Variants in CDC16 observed in about 807,000 individuals in gnomAD.
CDC16 encodes the protein cell division cycle 16.
CDC16 carries 34 observed loss-of-function variants against 87.0 expected under a neutral mutation model. The ratio of observed to expected loss-of-function variants is 0.39; its 90% CI spans 0.30 to 0.52. The LOEUF is 0.52. Ranked by LOEUF, CDC16 falls within the 20% of genes least tolerant of loss-of-function variation. The pLI, the probability that CDC16 is intolerant of heterozygous loss-of-function variation, is 0.74. For missense variants in CDC16, 653 were observed against 751.9 expected (o/e 0.87, Z 1.54); for synonymous variants, 263 against 260.6 (o/e 1.01, Z -0.09).
chr13:114,250,540 T>C lies in CDC16; in HGVS notation c.972-9T>C, dbSNP rs775281943. On this transcript the variant is annotated splice_polypyrimidine_tract_variant and intron_variant, in intron 11 of 17. Coordinates refer to ENST00000356221, the MANE Select transcript of CDC16 (RefSeq NM_001078645.3). ...TACTATATGACTTAAATTAACTCTTTTGTTTTAGCAAAGCCACAACACTTG... is the reference window on the plus strand; with the variant it reads ...TACTATATGACTTAAATTAACTCTTCTGTTTTAGCAAAGCCACAACACTTG... 9 of 1,611,552 alleles carry C rather than the reference T, an allele frequency of 5.6e-6. No individual in the cohort carries two copies. The East Asian group carries it at 1.1e-4, about 20-fold the overall frequency.
chr13:114,251,995 T>C (rs901377223), intron 12 of CDC16, among the ~76,000 whole-genome samples: 7 of 149,960 alleles, frequency 4.7e-5, no homozygotes, highest in Middle Eastern at 3.5e-3. Flanking sequence ...ATAAGAGCCC[T>C]ACACTAACCC....
chr13:114,246,764 C>A (rs2081894772), intron 10 of CDC16, among the ~76,000 whole-genome samples, 167 bp from the exon 11 acceptor site: 1 of 152,132 alleles, frequency 6.6e-6, no homozygotes, highest in African/African-American at 2.4e-5. Flanking sequence ...GGAGTGTCTG[C>A]CCTCTTCTCT....
intron 6 of CDC16, chr13:114,242,813 G>A (rs867426611): frequency 1.8e-5 from 3 of 163,054 alleles, no homozygotes; most frequent in South Asian, 1.7e-4. Flanking sequence ...TGATTTTGCC[G>A]CCCCCTGCCC....
intron 12 of CDC16, among the ~76,000 whole-genome samples, chr13:114,255,558 A>AT (rs2082443592): frequency 6.6e-6 from 1 of 151,978 alleles, no homozygotes; most frequent in Non-Finnish European, 1.5e-5. Context: ...AGTATTTTGG[A>AT]TTTTCAGAAT....
chr13:114,243,170 G>A, intron 6 of CDC16, 87 bp from the exon 7 acceptor site: 1 of 718,198 alleles, frequency 1.4e-6, no homozygotes, highest in East Asian at 2.5e-5. Context: ...CTTAGACCAA[G>A]AACTGTAGAA....
intron 6 of CDC16, chr13:114,242,524 T>C: frequency 2.3e-6 from 1 of 439,398 alleles, no homozygotes; most frequent in South Asian, 3.6e-5. Flanking sequence ...ATTGAGATAG[T>C]ATAAACCAGG....
In CDC16 at chr13:114,263,920, G is replaced by A. The variant is rs575926369; in HGVS notation, c.1512+906G>A. Among the ~76,000 whole-genome samples the A allele has an allele frequency of 2.0e-5, 3 of 152,298 alleles. No individual in the cohort carries two copies. The East Asian group carries it at 5.8e-4, about 29-fold the overall frequency. On this transcript the variant is annotated intron_variant, in intron 16 of 17. Coordinates refer to ENST00000356221, the MANE Select transcript of CDC16 (RefSeq NM_001078645.3). ...TACCCATATCACAGTGGTGGCTGGT[G>A]GATGGCAATAATAGGAAACCACAGG...
In CDC16 at chr13:114,244,894, A is replaced by G; in HGVS notation, c.772A>G (p.Met258Val). 2 of 1,609,066 alleles carry G rather than the reference A, an allele frequency of 1.2e-6. No individual in the cohort carries two copies. The highest frequency in any genetic ancestry group is 1.7e-6 in the Non-Finnish European group (2 of 1,176,406). The change falls in exon 9 of 18, where the codon ATG (methionine) becomes GTG (valine). Residue 258 changes from methionine to valine, a missense_variant. Coordinates refer to ENST00000356221, the MANE Select transcript of CDC16 (RefSeq NM_001078645.3). ...KMCYKLTSVV[M>V]EKDPFHASCL... ...ATGTGTCGCTTTAACTTTCAGAGTA[A>G]TGGAGAAAGATCCTTTCCATGCAAG...
intron 17 of CDC16, among the ~76,000 whole-genome samples, chr13:114,267,531 A>G (rs1351993690): frequency 6.6e-6 from 1 of 152,192 alleles, no homozygotes; most frequent in Non-Finnish European, 1.5e-5. Context: ...GTAGTTATGC[A>G]TATTCTTACA....
In CDC16 at chr13:114,262,266, A is replaced by C. The variant is rs534808348; in HGVS notation, c.1376+318A>C. ...CTAGAGGTTTTGTGGTGTGATAAAC[A>C]GGCGACAGTTGAAAAATGGGTTTTT... is the stretch of plus-strand genomic sequence containing the variant. On this transcript the variant is annotated intron_variant, in intron 15 of 17. Coordinates refer to ENST00000356221, the MANE Select transcript of CDC16 (RefSeq NM_001078645.3). Among the ~76,000 whole-genome samples the C allele has an allele frequency of 1.8e-4, 27 of 152,372 alleles. No individual in the cohort carries two copies. The South Asian group carries it at 5.2e-3, about 29-fold the overall frequency.
At chr13:114,266,740 G>A (rs867466551) in intron 17 of CDC16, among the ~76,000 whole-genome samples, 2 of 151,824 alleles carry the variant, frequency 1.3e-5, no homozygotes, top group South Asian at 4.2e-4. Flanking sequence ...GTCGCCCAGG[G>A]TGGAGTGCAG....
At chr13:114,268,191 C>T (rs961323249) in intron 17 of CDC16, among the ~76,000 whole-genome samples, 4 of 152,104 alleles carry the variant, frequency 2.6e-5, no homozygotes, top group Non-Finnish European at 5.9e-5. Context: ...ATAGCTCCAG[C>T]TCATGCCTGC....
intron 14 of CDC16, among the ~76,000 whole-genome samples, chr13:114,261,656 A>C (rs1265379160): frequency 6.6e-6 from 1 of 152,184 alleles, no homozygotes; most frequent in Non-Finnish European, 1.5e-5. Context: ...GAACTCCAGC[A>C]GGGATAGGCT....
intron 15 of CDC16, 101 bp from the exon 16 acceptor site, chr13:114,262,778 T>G: frequency 1.7e-6 from 2 of 1,174,272 alleles, no homozygotes; most frequent in Non-Finnish European, 2.5e-6. Context: ...GCTGTTCTCA[T>G]TGAGACAGCG....
Position 114,272,318 on chromosome 13 carries a change from C to CT in CDC16, c.1740dup (p.Thr581TyrfsTer21). On this transcript the variant is annotated frameshift_variant, in exon 18 of 18. Coordinates refer to ENST00000356221, the MANE Select transcript of CDC16 (RefSeq NM_001078645.3). LOFTEE classifies it high-confidence loss of function. ...AAAACAGACTGCAGAAGAAACGGGG[C>CT]TTACGCCATTGGAAACCTCAAGGAA... 6.2e-7 allele frequency: 1 copy of CT among 1,614,246 alleles called. No homozygotes were observed. The highest frequency in any genetic ancestry group is 8.5e-7 in the Non-Finnish European group (1 of 1,180,016).
At position 114,239,427 on chromosome 13, in the gene CDC16, A is replaced by G. The variant is rs373790492; in HGVS notation, c.318A>G (p.Lys106=). 311 of 1,613,344 alleles carry G rather than the reference A, an allele frequency of 1.9e-4. 1 individual carries two copies. The highest frequency in any genetic ancestry group is 1.4e-4 in the Non-Finnish European group (168 of 1,179,482). ...EEPINKRLFE[K]YLKDESGFKD... ...CCATCAATAAAAGATTATTTGAAAA[A>G]TACTTGAAGGACGAAAGTGGCTTCA... The change falls in exon 5 of 18, where the codon AAA becomes AAG. Residue 106 remains lysine (K), a synonymous_variant. Coordinates refer to ENST00000356221, the MANE Select transcript of CDC16 (RefSeq NM_001078645.3).
At chr13:114,250,075 T>C (rs2082082968) in intron 11 of CDC16, among the ~76,000 whole-genome samples, 1 of 152,114 alleles carries the variant, frequency 6.6e-6, no homozygotes, top group Non-Finnish European at 1.5e-5. Context: ...GTAATCTCAG[T>C]GACTCAAGAG....
chr13:114,242,128 G>A lies in CDC16; in HGVS notation c.389G>A (p.Ser130Asn), dbSNP rs1421017887. The A allele has an allele frequency of 6.2e-7, 1 of 1,604,688 alleles. No homozygotes were observed. The highest frequency in any genetic ancestry group is 8.5e-7 in the Non-Finnish European group (1 of 1,177,468). ...DWEMSQSSIKSSICLLRGKIY... is the reference protein window; with the variant it reads ...DWEMSQSSIKNSICLLRGKIY... ...TCATCATTTTTCCAACAGATAAAGA[G>A]TTCTATCTGTCTTCTACGCGGGAAA... is the stretch of plus-strand genomic sequence containing the variant. Residue 130 changes from serine (S) to asparagine (N), a missense_variant, in exon 6 of 18, where the codon AGT (serine) becomes AAT (asparagine). Transcript: ENST00000356221.
rs769359122 is a variant in CDC16, at chr13:114,243,339, A to G, written c.624A>G (p.Lys208=). Residue 208 remains lysine, a synonymous_variant, in exon 7 of 18, where the codon AAA becomes AAG. Transcript: ENST00000356221. The stretch of plus-strand genomic sequence containing the variant: ...TGCTGCGTTTTCTATTTGAGAACAA[A>G]TTGAAAAAAGTAAGTAAAACCAAAG... ...QELLRFLFEN[K]LKKYNKPSET... The G allele has an allele frequency of 6.5e-7, 1 of 1,541,078 alleles. No individual in the cohort carries two copies. The highest frequency in any genetic ancestry group is 1.1e-5 in the South Asian group (1 of 89,264).
Sources: allele counts gnomAD v4.1 joint callset (sites outside exome capture counted in the v4.1 genomes callset), GRCh38; gene constraint gnomAD v4.1.1; transcripts MANE v1.5; gene names NCBI Gene and HGNC (gene_info 2026-07-23, HGNC 2026-07-21).